ZCCHC7: variants seen among roughly 807,000 people sequenced by gnomAD.
ZCCHC7 encodes the protein zinc finger CCHC domain-containing protein 7.
Under a neutral mutation model 52.0 loss-of-function variants are expected in ZCCHC7, and 35 were observed. The ratio of observed to expected loss-of-function variants is 0.67; its 90% CI spans 0.51 to 0.89. The LOEUF (loss-of-function observed/expected upper bound fraction) is 0.89, where lower values mean the gene tolerates loss of function less well. Ranked by LOEUF, ZCCHC7 falls within the 40% of genes least tolerant of loss-of-function variation. ZCCHC7 has a pLI of 0.00. For synonymous variants in ZCCHC7, 217 were observed against 221.5 expected (o/e 0.98, Z 0.18); for missense variants, 574 against 649.1 (o/e 0.88, Z 1.26).
At chr9:37,179,867 T>C (rs777270371) in intron 2 of ZCCHC7, among the ~76,000 whole-genome samples, 1 of 152,170 alleles carries the variant, frequency 6.6e-6, no homozygotes, top group Non-Finnish European at 1.5e-5. Context: ...GAAAAACATA[T>C]TCTTGTAGAT....
chr9:37,217,775 T>C (rs530434175), intron 2 of ZCCHC7, among the ~76,000 whole-genome samples: 1 of 152,308 alleles, frequency 6.6e-6, no homozygotes, highest in South Asian at 2.1e-4. Flanking sequence ...TACACACAAC[T>C]TAGAGAAAAT....
Position 37,159,362 on chromosome 9 carries a change from C to G in ZCCHC7, c.610+32420C>G, listed in dbSNP as rs531856641. 5.9e-5 allele frequency among the ~76,000 whole-genome samples: 9 copies of G among 151,916 alleles called. No individual in the cohort carries two copies. The East Asian group carries it at 1.7e-3, about 29-fold the overall frequency. ...TATTAAAATATAAATGTTATATTAC[C>G]CTGTAACATTTTAAATGATTTACTA... On this transcript the variant is annotated intron_variant, in intron 2 of 8. Coordinates refer to ENST00000336755, the MANE Select transcript of ZCCHC7 (RefSeq NM_032226.3).
chr9:37,194,959 T>C (rs1823213627), intron 2 of ZCCHC7, among the ~76,000 whole-genome samples: 1 of 150,922 alleles, frequency 6.6e-6, no homozygotes, highest in Admixed American at 6.6e-5. Flanking sequence ...TTTTTTTTTT[T>C]TTTTTGAGAT....
chr9:37,162,520 T>A (rs1179244894), intron 2 of ZCCHC7, among the ~76,000 whole-genome samples: 1 of 152,222 alleles, frequency 6.6e-6, no homozygotes, highest in Non-Finnish European at 1.5e-5. Context: ...AGGGCTGGCT[T>A]ATTTCAGTCA....
chr9:37,159,089 T>C (rs1207031054), intron 2 of ZCCHC7, among the ~76,000 whole-genome samples: 1 of 152,226 alleles, frequency 6.6e-6, no homozygotes, highest in African/African-American at 2.4e-5. Context: ...ATTTGCATGC[T>C]GTTCACATTT....
At chr9:37,136,480 C>G (rs898501488) in intron 2 of ZCCHC7, among the ~76,000 whole-genome samples, 1 of 150,282 alleles carries the variant, frequency 6.7e-6, no homozygotes, top group African/African-American at 2.4e-5. Flanking sequence ...CAATCTCTCT[C>G]TCTCTGTCTT....
intron 5 of ZCCHC7, among the ~76,000 whole-genome samples, chr9:37,315,536 A>G (rs1464705497): frequency 6.6e-6 from 1 of 152,072 alleles, no homozygotes; most frequent in Non-Finnish European, 1.5e-5. Flanking sequence ...TAGTTATAGA[A>G]CATAAAAATA....
At chr9:37,325,048 A>G (rs1830186592) in intron 5 of ZCCHC7, among the ~76,000 whole-genome samples, 1 of 152,256 alleles carries the variant, frequency 6.6e-6, no homozygotes, top group African/African-American at 2.4e-5. Flanking sequence ...ATATGGGTCA[A>G]AATGCACAAT....
At chr9:37,189,857 G>A (rs921342010) in intron 2 of ZCCHC7, among the ~76,000 whole-genome samples, 29 of 152,206 alleles carry the variant, frequency 1.9e-4, no homozygotes, top group Admixed American at 1.9e-3. Flanking sequence ...GAACTGAGTA[G>A]TTGTCTACTC....
intron 2 of ZCCHC7, among the ~76,000 whole-genome samples, chr9:37,295,321 G>A (rs1828736205): frequency 6.6e-6 from 1 of 152,140 alleles, no homozygotes; most frequent in Admixed American, 6.6e-5. Context: ...AGAGAAACAA[G>A]TAAAGGCCAA....
At chr9:37,285,459 T>C (rs1194931760) in intron 2 of ZCCHC7, among the ~76,000 whole-genome samples, 2 of 152,158 alleles carry the variant, frequency 1.3e-5, no homozygotes, top group Non-Finnish European at 2.9e-5. Flanking sequence ...TTCTTCTTCG[T>C]CTCTTATTTT....
intron 2 of ZCCHC7, among the ~76,000 whole-genome samples, chr9:37,296,910 TGTGTGTGTGTGTGTGTG>T (rs1457418757): frequency 4.0e-5 from 6 of 151,468 alleles, no homozygotes; most frequent in African/African-American, 1.2e-4. Context: ...TGTGTGTGTG[TGTGTGTGTGTGTGTGTG>T]TTTCGTAGAG....
At chr9:37,185,863 G>A (rs553324083) in intron 2 of ZCCHC7, among the ~76,000 whole-genome samples, 1 of 152,248 alleles carries the variant, frequency 6.6e-6, no homozygotes, top group East Asian at 1.9e-4. Flanking sequence ...ATTTGGATAT[G>A]TTTTTGTGGG....
intron 2 of ZCCHC7, among the ~76,000 whole-genome samples, chr9:37,131,337 CA>C (rs548078026): frequency 6.3e-4 from 71 of 112,426 alleles, no homozygotes; most frequent in East Asian, 1.1e-3. Context: ...GAGACTCTGT[CA>C]AAAAAAAAAA....
At chr9:37,351,303 A>C (rs975203251) in intron 7 of ZCCHC7, among the ~76,000 whole-genome samples, 1 of 152,132 alleles carries the variant, frequency 6.6e-6, no homozygotes, top group Admixed American at 6.6e-5. Context: ...GAAGTTGTAC[A>C]GGAAATCTCT....
At chr9:37,265,497 G>C (rs1827063448) in intron 2 of ZCCHC7, among the ~76,000 whole-genome samples, 1 of 152,116 alleles carries the variant, frequency 6.6e-6, no homozygotes, top group African/African-American at 2.4e-5. Context: ...ATTTTAGCTT[G>C]TTTTGATTGA....
At chr9:37,304,122 A>G in intron 3 of ZCCHC7, 66 bp from the exon 4 acceptor site, 4 of 1,488,642 alleles carry the variant, frequency 2.7e-6, no homozygotes, top group Non-Finnish European at 1.8e-6. Flanking sequence ...CTTTAACAAG[A>G]GTAGTAGATG....
intron 2 of ZCCHC7, among the ~76,000 whole-genome samples, chr9:37,201,032 G>C (rs1444620191): frequency 6.6e-6 from 1 of 152,166 alleles, no homozygotes; most frequent in African/African-American, 2.4e-5. Context: ...GTGTAACAGG[G>C]GCTATGGGAG....
At chr9:37,264,216 TTAAACATTAA>T (rs1272080330) in intron 2 of ZCCHC7, among the ~76,000 whole-genome samples, 1 of 152,106 alleles carries the variant, frequency 6.6e-6, no homozygotes, top group Non-Finnish European at 1.5e-5. Flanking sequence ...CTTGTGAAAA[TTAAACATTAA>T]TAAGAATATT....
Sources: gnomAD v4.1 joint callset for allele counts (sites outside exome capture counted in the v4.1 genomes callset) on GRCh38, gnomAD v4.1.1 for gene constraint, MANE v1.5 for transcripts, NCBI Gene and HGNC (gene_info 2026-07-23, HGNC 2026-07-21) for gene names.